The following DOCK7 variants were observed in gnomAD, a reference collection of about 807,000 sequenced individuals.
DOCK7 encodes the protein dedicator of cytokinesis protein 7.
A neutral mutation model predicts 271.0 loss-of-function variants in DOCK7; 138 were observed. The ratio of observed to expected loss-of-function variants is 0.51; its 90% CI spans 0.44 to 0.59. DOCK7 has a LOEUF of 0.59. Ranked by LOEUF, DOCK7 falls within the 20% of genes least tolerant of loss-of-function variation. The pLI, the probability that DOCK7 is intolerant of heterozygous loss-of-function variation, is 0.00. For missense variants in DOCK7, 2,066 were observed against 2,592.4 expected, an observed-to-expected ratio of 0.80 and a Z score of 4.41; for synonymous variants, 823 against 876.1, an observed-to-expected ratio of 0.94 and a Z score of 1.07.
At position 62,513,761 on chromosome 1, in the gene DOCK7, C is replaced by T; in HGVS notation, c.4074G>A (p.Arg1358=). ...CACAGAGATAAAGCAGATCTAATAG[C>T]CGGTTTAGCTGCAAGACTGAGAGAT... ...FTDLSVLQLN[R]LLDLLYLCVS... Residue 1358 remains arginine (R), a synonymous_variant, in exon 32 of 50, where the codon CGG becomes CGA. Coordinates refer to ENST00000635253, the MANE Select transcript of DOCK7 (RefSeq NM_001367561.1). The T allele has an allele frequency of 6.2e-7, 1 of 1,614,096 alleles. No individual in the cohort carries two copies. The highest frequency in any genetic ancestry group is 1.3e-5 in the African/African-American group (1 of 75,052).
chr1:62,553,345 TATATATATA>T (rs1178507907), intron 21 of DOCK7, among the ~76,000 whole-genome samples: 8 of 3,618 alleles, frequency 2.2e-3, no homozygotes, highest in South Asian at 0.016. Flanking sequence ...TATATATATA[TATATATATA>T]TTTTTTTTTT....
intron 1 of DOCK7, among the ~76,000 whole-genome samples, chr1:62,673,955 G>A (rs1270291610): frequency 1.3e-5 from 2 of 150,862 alleles, no homozygotes. Context: ...GGAGGGGGAA[G>A]GGGGGGAGGT....
At chr1:62,486,786 C>G (rs1262257896) in intron 43 of DOCK7, 1 of 152,040 alleles carries the variant, frequency 6.6e-6, no homozygotes, top group African/African-American at 2.4e-5. Flanking sequence ...TGCTCATAGT[C>G]AAGGTGAAGT....
chr1:62,642,254 G>T (rs560421325), intron 7 of DOCK7, among the ~76,000 whole-genome samples: 8 of 151,942 alleles, frequency 5.3e-5, no homozygotes, highest in African/African-American at 1.9e-4. Flanking sequence ...GATTACAGAT[G>T]CATGCCAACA....
Position 62,559,238 on chromosome 1 carries a change from C to CAA in DOCK7, c.2200-20_2200-19dup, listed in dbSNP as rs778055954. On this transcript the variant is annotated intron_variant, in intron 19 of 49. Coordinates refer to ENST00000635253, the MANE Select transcript of DOCK7 (RefSeq NM_001367561.1). ...TAAGGATCCTAAAACAAAGAATAAA[C>CAA]AAAAGCACTAAGCACTTATAACTTT... The CAA allele has an allele frequency of 6.3e-7, 1 of 1,589,692 alleles. No homozygotes were observed. The highest frequency in any genetic ancestry group is 2.2e-5 in the East Asian group (1 of 44,482).
At chr1:62,466,197 G>T (rs563819372) in intron 48 of DOCK7, among the ~76,000 whole-genome samples, 170 of 151,532 alleles carry the variant, frequency 1.1e-3, no homozygotes, top group African/African-American at 2.3e-3. Context: ...GTTTTTTTTT[G>T]TTGTTGTTGT....
intron 14 of DOCK7, among the ~76,000 whole-genome samples, chr1:62,588,066 C>T (rs1476859631): frequency 6.6e-6 from 1 of 152,114 alleles, no homozygotes; most frequent in African/African-American, 2.4e-5. Context: ...ATCAGTTGTG[C>T]TCAAAATAGT....
intron 14 of DOCK7, among the ~76,000 whole-genome samples, chr1:62,600,599 C>T (rs551114447): frequency 6.6e-6 from 1 of 151,828 alleles, no homozygotes; most frequent in African/African-American, 2.4e-5. Context: ...ACAAACTTGC[C>T]AACCTGCCAA....
chr1:62,574,873 G>A (rs1468496801), intron 18 of DOCK7, among the ~76,000 whole-genome samples: 1 of 152,052 alleles, frequency 6.6e-6, no homozygotes, highest in East Asian at 1.9e-4. Flanking sequence ...GGAATTACAG[G>A]TGCCTGCCAC....
At chr1:62,561,757 G>A (rs1571550896) in intron 18 of DOCK7, 54 bp from the exon 19 acceptor site, 1 of 1,137,478 alleles carries the variant, frequency 8.8e-7, no homozygotes, top group Non-Finnish European at 1.2e-6. Context: ...TATGAACTCT[G>A]AAAATAAACA....
chr1:62,654,053 G>C lies in DOCK7; in HGVS notation c.251C>G (p.Pro84Arg). The C allele has an allele frequency of 6.2e-7, 1 of 1,613,910 alleles. No individual in the cohort carries two copies. Among genetic ancestry groups the C allele is most frequent in the South Asian group, 1.1e-5 (1 of 91,068 alleles). ...GPLRDLIEFP[P>R]DDIEVVYSPR... is the part of the protein sequence containing the mutation. ...ACTATAAACAACTTCAATATCATCT[G>C]GAGGAAATTCAATCAAATCCCGTAA... The change falls in exon 3 of 50, where the codon CCA becomes CGA. Residue 84 changes from proline (P) to arginine (R), a missense_variant. Pro to Arg is a moderately radical substitution (Grantham distance 103, BLOSUM62 -2). Around this residue, in one of 2 missense-constraint regions of DOCK7, gnomAD observed 1,414 missense variants for 1,670.4 expected, o/e 0.85. Transcript: ENST00000635253.
intron 27 of DOCK7, 85 bp downstream of exon 27, chr1:62,539,460 T>G: frequency 8.6e-7 from 1 of 1,167,796 alleles, no homozygotes; most frequent in East Asian, 2.4e-5. Context: ...AAATGTGCTC[T>G]TAAGGTCTCT....
rs1470768978 is a variant in DOCK7 at position 62,581,009 on chromosome 1, T to TAG, written c.1872-2045_1872-2044dup. 2.0e-5 allele frequency among the ~76,000 whole-genome samples: 3 copies of TAG among 152,174 alleles called. 1 individual carries two copies. Among genetic ancestry groups the TAG allele is most frequent in the Non-Finnish European group, 4.4e-5 (3 of 68,012 alleles). ...TGGCTGTTTTTGCACTATAATGGCA[T>TAG]AGATGAATGGCTGCAAGAGAGACCA... On this transcript the variant is annotated intron_variant, in intron 16 of 49. Transcript: ENST00000635253.
At chr1:62,685,646 TTC>T (rs2149787476) in intron 1 of DOCK7, among the ~76,000 whole-genome samples, 1 of 152,200 alleles carries the variant, frequency 6.6e-6, no homozygotes, top group Admixed American at 6.5e-5. Context: ...AAATAGATAT[TTC>T]TCTCTGAATG....
In DOCK7 at chr1:62,597,505, T is replaced by C. The variant is rs967302006; in HGVS notation, c.1683-10881A>G. Reference sequence around the variant, plus strand: ...TATTGGTATATATAGAGTTAAGAAGTCTAGGTCTGCTTCCAGAAGAAAACA... The same window carrying C: ...TATTGGTATATATAGAGTTAAGAAGCCTAGGTCTGCTTCCAGAAGAAAACA... On this transcript the variant is annotated intron_variant, in intron 14 of 49. Coordinates refer to ENST00000635253, the MANE Select transcript of DOCK7 (RefSeq NM_001367561.1). 9.5e-6 allele frequency: 15 copies of C among 1,582,734 alleles called. No individual in the cohort carries two copies. In the Admixed American group the frequency reaches 1.4e-4, roughly 15 times the overall value.
intron 41 of DOCK7, among the ~76,000 whole-genome samples, chr1:62,490,877 C>A (rs574132595): frequency 1.3e-5 from 2 of 152,186 alleles, no homozygotes; most frequent in Non-Finnish European, 2.9e-5. Context: ...TCCTTAGAGG[C>A]AAACATTTTA....
chr1:62,553,771 A>G (rs1646035903), intron 21 of DOCK7, among the ~76,000 whole-genome samples: 1 of 152,114 alleles, frequency 6.6e-6, no homozygotes, highest in African/African-American at 2.4e-5. Flanking sequence ...TTATCTCTTC[A>G]GTATTTCTAT....
chr1:62,552,915 T>C lies in DOCK7; in HGVS notation c.2597-14A>G, dbSNP rs754043543. 6 of 1,550,980 alleles carry C rather than the reference T, an allele frequency of 3.9e-6. No homozygotes were observed. The highest frequency in any genetic ancestry group is 1.7e-4 in the Middle Eastern group (1 of 5,822). The stretch of plus-strand genomic sequence containing the variant: ...AACCCCCAGGACCTAGAGTTGTATA[T>C]GAAATAGCACATAATTAAAGAAAAT... On this transcript the variant is annotated splice_polypyrimidine_tract_variant and intron_variant, in intron 21 of 49. Transcript: ENST00000635253.
At chr1:62,630,314 T>C (rs530492896) in intron 11 of DOCK7, among the ~76,000 whole-genome samples, 2 of 152,284 alleles carry the variant, frequency 1.3e-5, no homozygotes, top group East Asian at 3.9e-4. Flanking sequence ...TGCATGCTTT[T>C]TCAAGTGGCT....
Sources: allele counts gnomAD v4.1 joint callset (sites outside exome capture counted in the v4.1 genomes callset), GRCh38; gene constraint gnomAD v4.1.1; regional missense constraint gnomAD v4.1.1; transcripts MANE v1.5; gene names NCBI Gene and HGNC (gene_info 2026-07-23, HGNC 2026-07-21).